The following FAT3 variants were observed in gnomAD, a reference collection of about 807,000 sequenced individuals.
FAT3 encodes the protein FAT atypical cadherin 3.
FAT3 carries 95 observed loss-of-function variants against 310.2 expected under a neutral mutation model. That is an observed-to-expected ratio of 0.31 (90% CI 0.26 to 0.36). The LOEUF is 0.36. Ranked by LOEUF, FAT3 falls within the 10% of genes least tolerant of loss-of-function variation. The pLI is 1.00. For missense variants in FAT3, 5,408 were observed against 5,715.6 expected (o/e 0.95, Z 1.74); for synonymous variants, 2,314 against 2,192.9 (o/e 1.06, Z -1.54).
At chr11:92,397,288 C>A (rs535845730) in intron 2 of FAT3, among the ~76,000 whole-genome samples, 36 of 152,156 alleles carry the variant, frequency 2.4e-4, no homozygotes, top group African/African-American at 8.2e-4. Flanking sequence ...AAGTTAATTT[C>A]TAAGGGATGG....
At chr11:92,625,817 T>C (rs926547234) in intron 3 of FAT3, among the ~76,000 whole-genome samples, 5 of 152,054 alleles carry the variant, frequency 3.3e-5, no homozygotes, top group African/African-American at 1.2e-4. Context: ...GCCTGAGATT[T>C]CTCTCATTTG....
chr11:92,806,549 T>C (rs1185409775), intron 12 of FAT3, 34 bp downstream of exon 12: 1 of 1,510,772 alleles, frequency 6.6e-7, no homozygotes. Context: ...ATAAATGTCA[T>C]TGTTAATTCA....
At chr11:92,581,242 G>A (rs1938782123) in intron 3 of FAT3, among the ~76,000 whole-genome samples, 1 of 151,994 alleles carries the variant, frequency 6.6e-6, no homozygotes, top group African/African-American at 2.4e-5. Flanking sequence ...TAAGTAGCAA[G>A]TCACCTTCTT....
At chr11:92,367,913 T>C (rs1280397481) in intron 2 of FAT3, among the ~76,000 whole-genome samples, 4 of 152,210 alleles carry the variant, frequency 2.6e-5, no homozygotes, top group Non-Finnish European at 5.9e-5. Context: ...AATCCCAGTT[T>C]TGTGGGGCTT....
At chr11:92,877,587 A>G (rs904606355) in intron 22 of FAT3, among the ~76,000 whole-genome samples, 4 of 152,196 alleles carry the variant, frequency 2.6e-5, no homozygotes, top group African/African-American at 9.7e-5. Flanking sequence ...TGAACAGACG[A>G]TAAGATGAGC....
At chr11:92,452,834 C>G (rs1187685998) in intron 2 of FAT3, among the ~76,000 whole-genome samples, 2 of 152,124 alleles carry the variant, frequency 1.3e-5, no homozygotes, top group African/African-American at 2.4e-5. Flanking sequence ...GAGATCACGG[C>G]TCACTGAAGC....
At chr11:92,732,930 A>G (rs1791567) in intron 4 of FAT3, among the ~76,000 whole-genome samples, 87,563 of 151,906 alleles carry the variant, frequency 0.58, 26,820 homozygotes, top group African/African-American at 0.8. Flanking sequence ...ATAAAGGACC[A>G]CTTCCCTGTG....
At chr11:92,809,347 A>C (rs1197959516) in intron 12 of FAT3, among the ~76,000 whole-genome samples, 1 of 152,186 alleles carries the variant, frequency 6.6e-6, no homozygotes, top group African/African-American at 2.4e-5. Context: ...TTCTGTTTTC[A>C]TTACCTGTTT....
intron 3 of FAT3, among the ~76,000 whole-genome samples, chr11:92,548,043 T>C (rs1954672292): frequency 6.6e-6 from 1 of 152,190 alleles, no homozygotes; most frequent in African/African-American, 2.4e-5. Flanking sequence ...ATTTATAGAA[T>C]ATTTGTTCCA....
chr11:92,799,733 G>C lies in FAT3; in HGVS notation c.6720G>C (p.Leu2240=), dbSNP rs1178133915. The part of the protein sequence containing the change: ...QFNIDFDTGV[L]KVVSPLDYEV... ...ACATTGACTTTGACACTGGGGTCCT[G>C]AAAGTTGTTAGCCCTTTGGATTATG... The change falls in exon 10 of 28, where the codon CTG becomes CTC. Residue 2240 remains leucine, a synonymous_variant. Coordinates refer to ENST00000525166, the MANE Select transcript of FAT3 (RefSeq NM_001367949.2). 6.2e-7 allele frequency: 1 copy of C among 1,612,820 alleles called. No individual in the cohort carries two copies. Among genetic ancestry groups the C allele is most frequent in the Admixed American group, 1.7e-5 (1 of 59,842 alleles).
rs768727367 is a variant in FAT3 at position 92,352,742 on chromosome 11, T to G, written c.630T>G (p.Ser210Arg). The G allele has an allele frequency of 8.1e-6, 13 of 1,613,722 alleles. No individual in the cohort carries two copies. The highest frequency in any genetic ancestry group is 1.1e-5 in the South Asian group (1 of 91,074). ...ATCTCTTTTCAGTTCACCCCACGAG[T>G]GGTGTCATCTCCTTAAGTGGTCGAT... Reference protein sequence around the residue: ...KVDLFSVHPTSGVISLSGRLN... With the variant: ...KVDLFSVHPTRGVISLSGRLN... The change falls in exon 2 of 28, where the codon AGT becomes AGG. Residue 210 changes from serine to arginine, a missense_variant. Physicochemically the swap from Ser to Arg is moderately radical, Grantham distance 110. This residue lies in a region of FAT3 where 4,588 missense variants were observed against 4,809.8 expected (regional missense o/e 0.95). Transcript: ENST00000525166.
intron 2 of FAT3, among the ~76,000 whole-genome samples, chr11:92,369,960 C>T (rs768081850): frequency 3.9e-5 from 6 of 152,120 alleles, no homozygotes; most frequent in Non-Finnish European, 8.8e-5. Flanking sequence ...TGGGCCTACT[C>T]CTTCTCATAA....
intron 5 of FAT3, among the ~76,000 whole-genome samples, chr11:92,764,591 A>G (rs1946254567): frequency 1.3e-5 from 2 of 152,304 alleles, no homozygotes; most frequent in South Asian, 2.1e-4. Context: ...ATTCAGGCCC[A>G]CAAATCACCA....
At position 92,883,149 on chromosome 11, in the gene FAT3, C is replaced by G. The variant is rs541888682; in HGVS notation, c.12693C>G (p.Pro4231=). ...VYQEVGPPQV[P]VRPMAYTPCF... Reference sequence around the variant, plus strand: ...AGGAGGTGGGGCCCCCGCAGGTCCCCGTGCGCCCCATGGCCTACACACCCT... The same window carrying G: ...AGGAGGTGGGGCCCCCGCAGGTCCCGGTGCGCCCCATGGCCTACACACCCT... The change falls in exon 24 of 28, where the codon CCC becomes CCG. Residue 4231 remains proline, a synonymous_variant. Transcript: ENST00000525166. This position sits in a 1 kb window ranked among gnomAD's most constrained non-coding sequence, Gnocchi z 4.2. 6.2e-7 allele frequency: 1 copy of G among 1,613,422 alleles called. No individual in the cohort carries two copies. Among genetic ancestry groups the G allele is most frequent in the East Asian group, 2.2e-5 (1 of 44,862 alleles).
intron 4 of FAT3, among the ~76,000 whole-genome samples, chr11:92,736,066 A>T (rs1255432591): frequency 1.3e-5 from 2 of 152,094 alleles, no homozygotes; most frequent in Non-Finnish European, 2.9e-5. Flanking sequence ...CTTACTCTCT[A>T]CTGTTGTGAA....
intron 2 of FAT3, among the ~76,000 whole-genome samples, chr11:92,384,166 A>G (rs1399707665): frequency 6.6e-6 from 1 of 152,112 alleles, no homozygotes; most frequent in Non-Finnish European, 1.5e-5. Context: ...ACCCTCAAGC[A>G]GTGATTTTTT....
chr11:92,533,066 C>T lies in FAT3; in HGVS notation c.3607+8118C>T, dbSNP rs373638329. On this transcript the variant is annotated intron_variant, in intron 3 of 27. Transcript: ENST00000525166. ...TTGTTTTTTAAGAGACAGAGTCTCCCGCTGTTGCCCAGGCTGGAGTGCAGT... is the reference window on the plus strand; with the variant it reads ...TTGTTTTTTAAGAGACAGAGTCTCCTGCTGTTGCCCAGGCTGGAGTGCAGT... Among the ~76,000 whole-genome samples, 10 of 152,220 alleles carry T rather than the reference C, an allele frequency of 6.6e-5. No individual in the cohort carries two copies. The East Asian group carries it at 9.7e-4, about 15-fold the overall frequency.
chr11:92,671,045 GT>G (rs924137992), intron 3 of FAT3, among the ~76,000 whole-genome samples: 3 of 151,372 alleles, frequency 2.0e-5, no homozygotes, highest in South Asian at 2.1e-4. Flanking sequence ...TTTGTTTTTT[GT>G]TTTTTGTTTT....
At chr11:92,847,842 C>T (rs1045654377) in intron 19 of FAT3, among the ~76,000 whole-genome samples, 1 of 152,038 alleles carries the variant, frequency 6.6e-6, no homozygotes, top group Non-Finnish European at 1.5e-5. Context: ...TTAAGGTAAG[C>T]GTTAGGCATT....
Sources: allele counts gnomAD v4.1 joint callset (sites outside exome capture counted in the v4.1 genomes callset), GRCh38; gene constraint gnomAD v4.1.1; regional missense constraint gnomAD v4.1.1; non-coding constraint Gnocchi (gnomAD v3.1); transcripts MANE v1.5; gene names NCBI Gene and HGNC (gene_info 2026-07-23, HGNC 2026-07-21).